Variants in SBF2 observed in about 807,000 individuals in gnomAD.
SBF2 encodes SET binding factor 2.
SBF2 carries 112 observed loss-of-function variants against 225.2 expected under a neutral mutation model. The ratio of observed to expected loss-of-function variants is 0.50; its 90% CI spans 0.43 to 0.58. The LOEUF (loss-of-function observed/expected upper bound fraction) is 0.58. Among genes scored for constraint, SBF2 ranks in the 20% least tolerant of loss-of-function variants. The probability of loss-of-function intolerance (pLI) is 0.00; values close to 1 mark genes in which losing one functional copy is unlikely to be tolerated. For synonymous variants in SBF2, 763 were observed against 773.3 expected (o/e 0.99, Z 0.22); for missense variants, 1,996 against 2,206.2 (o/e 0.90, Z 1.91).
intron 2 of SBF2, among the ~76,000 whole-genome samples, chr11:10,161,046 G>A (rs1489285552): frequency 6.6e-6 from 1 of 151,962 alleles, no homozygotes; most frequent in African/African-American, 2.4e-5. Context: ...AATTAGCTAG[G>A]CTTGGTGGCA....
At chr11:9,798,844 C>T (rs1331633164) in intron 32 of SBF2, among the ~76,000 whole-genome samples, 5 of 150,732 alleles carry the variant, frequency 3.3e-5, no homozygotes, top group East Asian at 3.9e-4. Context: ...CCCAGCTACT[C>T]GGGAGGCTGA....
chr11:10,290,838 G>A (rs1017278292), intron 1 of SBF2, among the ~76,000 whole-genome samples: 1 of 152,046 alleles, frequency 6.6e-6, no homozygotes, highest in Non-Finnish European at 1.5e-5. Flanking sequence ...ATACTTACCA[G>A]CCCTGACCAT....
chr11:9,929,578 C>T (rs889533709), intron 16 of SBF2, among the ~76,000 whole-genome samples: 5 of 152,090 alleles, frequency 3.3e-5, no homozygotes, highest in African/African-American at 7.2e-5. Flanking sequence ...TGAGATAAAC[C>T]GAAAACTGCA....
At chr11:10,008,412 A>G (rs757110964) in intron 6 of SBF2, among the ~76,000 whole-genome samples, 3 of 152,210 alleles carry the variant, frequency 2.0e-5, no homozygotes, top group Non-Finnish European at 4.4e-5. Context: ...CTGGGCCCCA[A>G]TACCCCTATG....
chr11:10,190,862 T>A (rs1175555959), intron 2 of SBF2, among the ~76,000 whole-genome samples: 1 of 152,116 alleles, frequency 6.6e-6, no homozygotes, highest in Non-Finnish European at 1.5e-5. Context: ...GACTAACCAT[T>A]TACACTAAAA....
At chr11:10,188,252 A>C (rs60319025) in intron 2 of SBF2, among the ~76,000 whole-genome samples, 1 of 152,140 alleles carries the variant, frequency 6.6e-6, no homozygotes, top group South Asian at 2.1e-4. Flanking sequence ...TAGAAATAGA[A>C]TAGTAGCAAA....
At chr11:9,874,035 G>A (rs942729683) in intron 17 of SBF2, among the ~76,000 whole-genome samples, 1 of 143,696 alleles carries the variant, frequency 7.0e-6, no homozygotes, top group Non-Finnish European at 1.5e-5. Flanking sequence ...CTCCAGTCTG[G>A]GAGACAAGAG....
intron 1 of SBF2, among the ~76,000 whole-genome samples, chr11:10,232,845 C>T (rs1958912998): frequency 1.3e-5 from 2 of 152,176 alleles, no homozygotes; most frequent in African/African-American, 4.8e-5. Flanking sequence ...AAACTAAATT[C>T]TGTTACTTCT....
intron 3 of SBF2, among the ~76,000 whole-genome samples, chr11:10,040,835 G>C (rs1043435883): frequency 2.0e-5 from 3 of 151,536 alleles, no homozygotes; most frequent in Admixed American, 1.3e-4. Flanking sequence ...AAAACGATGG[G>C]GCAAAATATT....
chr11:9,839,281 G>A, intron 26 of SBF2: 1 of 574,364 alleles, frequency 1.7e-6, no homozygotes, highest in Admixed American at 2.8e-5. Context: ...TAGGGGGTGA[G>A]TACTTTACCT....
chr11:10,004,631 G>C (rs1198090624), intron 6 of SBF2, among the ~76,000 whole-genome samples: 2 of 140,976 alleles, frequency 1.4e-5, no homozygotes, highest in East Asian at 4.2e-4. Flanking sequence ...CTCACAACCT[G>C]CCCACAAGGA....
At chr11:10,233,973 C>T (rs780087769) in intron 1 of SBF2, among the ~76,000 whole-genome samples, 2 of 152,218 alleles carry the variant, frequency 1.3e-5, no homozygotes. Context: ...CATTGTTCCT[C>T]AATCAACCTC....
chr11:9,890,959 C>T (rs1011556918), intron 17 of SBF2, among the ~76,000 whole-genome samples: 10 of 152,006 alleles, frequency 6.6e-5, no homozygotes, highest in African/African-American at 2.4e-4. Flanking sequence ...CGTGGTGAAT[C>T]CCCATCTCTA....
chr11:9,823,742 A>C (rs1424165703), intron 28 of SBF2, among the ~76,000 whole-genome samples: 1 of 152,206 alleles, frequency 6.6e-6, no homozygotes, highest in Non-Finnish European at 1.5e-5. Context: ...GCCTCAGTTC[A>C]TTCGTCCTAC....
chr11:10,185,943 C>T (rs1331910933), intron 2 of SBF2, among the ~76,000 whole-genome samples: 1 of 152,052 alleles, frequency 6.6e-6, no homozygotes, highest in Non-Finnish European at 1.5e-5. Context: ...TTGATTCAAT[C>T]CTTTTCACTC....
intron 10 of SBF2, 104 bp downstream of exon 10, chr11:9,993,817 C>T (rs1183759654): frequency 8.1e-6 from 10 of 1,229,398 alleles, no homozygotes; most frequent in Non-Finnish European, 1.2e-5. Context: ...ACTTTTTACT[C>T]TGCTGTCCAT....
chr11:9,822,301 C>G (rs1444499383), intron 28 of SBF2, among the ~76,000 whole-genome samples: 1 of 147,922 alleles, frequency 6.8e-6, no homozygotes, highest in Non-Finnish European at 1.5e-5. Flanking sequence ...CGCTCTGTCA[C>G]CCAGGCTGGA....
chr11:9,964,020 GTGGGATGATCCCT>G, intron 14 of SBF2, 138 bp from the exon 15 acceptor site: 1 of 635,598 alleles, frequency 1.6e-6, no homozygotes, highest in South Asian at 1.8e-5. Context: ...GGAGGCTGAG[GTGGGATGATCCCT>G]TGAGCCCAGA....
At chr11:9,936,358 C>G (rs900541057) in intron 16 of SBF2, among the ~76,000 whole-genome samples, 7 of 152,114 alleles carry the variant, frequency 4.6e-5, no homozygotes, top group East Asian at 1.9e-4. Context: ...GTTGGTGGGA[C>G]TGTAAATGAG....
Sources: gnomAD v4.1 joint callset for allele counts (sites outside exome capture counted in the v4.1 genomes callset) on GRCh38, gnomAD v4.1.1 for gene constraint, MANE v1.5 for transcripts, NCBI Gene and HGNC (gene_info 2026-07-23, HGNC 2026-07-21) for gene names.